Variants in ATP8A1 observed in about 807,000 individuals in gnomAD.
ATP8A1 encodes the protein phospholipid-transporting ATPase IA.
ATP8A1 carries 90 observed loss-of-function variants against 177.7 expected under a neutral mutation model. That is an observed-to-expected ratio of 0.51 (90% CI 0.43 to 0.60). The LOEUF (loss-of-function observed/expected upper bound fraction) is 0.60, where lower values mean the gene tolerates loss of function less well. Among genes scored for constraint, ATP8A1 ranks in the 20% least tolerant of loss-of-function variants. ATP8A1 has a pLI of 0.00. For synonymous variants in ATP8A1, 493 were observed against 485.9 expected, an observed-to-expected ratio of 1.01 and a Z score of -0.19; for missense variants, 1,072 against 1,392.8, an observed-to-expected ratio of 0.77 and a Z score of 3.67.
intron 20 of ATP8A1, among the ~76,000 whole-genome samples, chr4:42,537,357 C>T (rs1279757329): frequency 6.6e-6 from 1 of 151,418 alleles, no homozygotes; most frequent in Non-Finnish European, 1.5e-5. Context: ...AGAACTGGAA[C>T]AAGACAAAGA....
chr4:42,521,218 T>C (rs1726099103), intron 22 of ATP8A1, among the ~76,000 whole-genome samples: 2 of 152,224 alleles, frequency 1.3e-5, no homozygotes, highest in Non-Finnish European at 2.9e-5. Context: ...AGTTATCTAA[T>C]GGCAAGCTAG....
rs1328944322 is a variant in ATP8A1 at position 42,532,332 on chromosome 4, A to G, written c.1723-7485T>C. ...AGACCCTGTCTCTACATAAAATACA[A>G]AAAATTAACTGGGCATGATGGCGGG... On this transcript the variant is annotated intron_variant, in intron 20 of 36. Transcript: ENST00000381668. Among the ~76,000 whole-genome samples, 3 of 152,002 alleles carry G rather than the reference A, an allele frequency of 2.0e-5. No homozygotes were observed. The East Asian group carries it at 5.8e-4, about 29-fold the overall frequency.
chr4:42,444,749 G>T, intron 31 of ATP8A1, 115 bp from the exon 32 acceptor site: 1 of 1,060,608 alleles, frequency 9.4e-7, no homozygotes, highest in Non-Finnish European at 1.4e-6. Flanking sequence ...CTAGGAGACT[G>T]CTGCTTGCTT....
In ATP8A1 at chr4:42,448,828, G is replaced by GTT. The variant is rs55946444; in HGVS notation, c.2897-2186_2897-2185dup. Among the ~76,000 whole-genome samples the GTT allele has an allele frequency of 1.6e-3, 135 of 84,210 alleles. 1 individual carries two copies. The highest frequency in any genetic ancestry group is 5.8e-3 in the African/African-American group (129 of 22,200). 55.2% of individuals were successfully genotyped at this position (84,210 alleles called of 152,430 possible). ...TCCATCAGTCTACTTTGTACTTTGC[G>GTT]TTTTTTTTTTTTTTTTTTTTTTTTT... On this transcript the variant is annotated intron_variant, in intron 30 of 36. Coordinates refer to ENST00000381668, the MANE Select transcript of ATP8A1 (RefSeq NM_006095.2).
At chr4:42,601,718 A>C (rs1735294314) in intron 5 of ATP8A1, among the ~76,000 whole-genome samples, 1 of 152,188 alleles carries the variant, frequency 6.6e-6, no homozygotes, top group East Asian at 1.9e-4. Flanking sequence ...CCCTGGAAAC[A>C]GCACAGTACC....
chr4:42,542,006 C>G (rs1578133054), intron 20 of ATP8A1, among the ~76,000 whole-genome samples: 1 of 152,026 alleles, frequency 6.6e-6, no homozygotes, highest in East Asian at 1.9e-4. Context: ...AAGAGTGAAC[C>G]CTCATGTACA....
chr4:42,458,171 T>A (rs1406462626), intron 27 of ATP8A1, among the ~76,000 whole-genome samples: 1 of 151,830 alleles, frequency 6.6e-6, no homozygotes, highest in Non-Finnish European at 1.5e-5. Context: ...TAGTTAATAT[T>A]GGGAACATAT....
At chr4:42,547,126 C>G (rs1729015234) in intron 19 of ATP8A1, among the ~76,000 whole-genome samples, 1 of 152,168 alleles carries the variant, frequency 6.6e-6, no homozygotes. Context: ...TTGTATGTCT[C>G]ACAGTCATCT....
At chr4:42,617,898 C>T (rs762222118) in intron 4 of ATP8A1, among the ~76,000 whole-genome samples, 14 of 152,144 alleles carry the variant, frequency 9.2e-5, no homozygotes, top group Non-Finnish European at 1.6e-4. Flanking sequence ...AGATTTTAAT[C>T]CCATGCCTAC....
chr4:42,504,933 T>A (rs1724221068), intron 23 of ATP8A1, among the ~76,000 whole-genome samples: 1 of 152,260 alleles, frequency 6.6e-6, no homozygotes, highest in African/African-American at 2.4e-5. Context: ...ACAGCTTTTC[T>A]CTAATCATCA....
chr4:42,446,767 G>C, intron 30 of ATP8A1, 123 bp from the exon 31 acceptor site: 1 of 674,158 alleles, frequency 1.5e-6, no homozygotes, highest in Non-Finnish European at 2.3e-6. Flanking sequence ...AGCCAGAAAT[G>C]AGATTAAAAA....
chr4:42,546,898 T>C (rs1728994381), intron 19 of ATP8A1, among the ~76,000 whole-genome samples: 1 of 152,192 alleles, frequency 6.6e-6, no homozygotes, highest in African/African-American at 2.4e-5. Context: ...GTTGTCTCTT[T>C]TGCTGATTCC....
intron 22 of ATP8A1, among the ~76,000 whole-genome samples, chr4:42,507,796 A>C (rs1350632446): frequency 1.2e-4 from 17 of 142,906 alleles, no homozygotes; most frequent in African/African-American, 4.3e-4. Flanking sequence ...AAAAAAAAAA[A>C]AAAAAAAAAA....
At chr4:42,633,719 T>C (rs746871933) in intron 1 of ATP8A1, among the ~76,000 whole-genome samples, 6 of 152,196 alleles carry the variant, frequency 3.9e-5, no homozygotes, top group Non-Finnish European at 8.8e-5. Context: ...ATGAGAACAA[T>C]GCCTGGCACG....
chr4:42,638,909 T>C (rs542795508), intron 1 of ATP8A1, among the ~76,000 whole-genome samples: 1 of 152,338 alleles, frequency 6.6e-6, no homozygotes, highest in African/African-American at 2.4e-5. Flanking sequence ...CACTACGGAC[T>C]GGATTCTAAT....
intron 25 of ATP8A1, among the ~76,000 whole-genome samples, chr4:42,468,787 C>A (rs1007993104): frequency 6.6e-6 from 1 of 152,068 alleles, no homozygotes; most frequent in African/African-American, 2.4e-5. Flanking sequence ...CCAAATACTA[C>A]CTGTTCCCTC....
At chr4:42,627,479 T>A (rs1485066918) in intron 1 of ATP8A1, among the ~76,000 whole-genome samples, 1 of 152,224 alleles carries the variant, frequency 6.6e-6, no homozygotes, top group South Asian at 2.1e-4. Flanking sequence ...TAAAATATAG[T>A]CAAAAATTAA....
intron 12 of ATP8A1, among the ~76,000 whole-genome samples, chr4:42,577,815 G>T (rs1732628958): frequency 6.6e-6 from 1 of 152,118 alleles, no homozygotes; most frequent in South Asian, 2.1e-4. Flanking sequence ...TATTTGTATA[G>T]TGATTGATTA....
intron 10 of ATP8A1, 71 bp downstream of exon 10, chr4:42,581,550 G>A: frequency 9.2e-7 from 1 of 1,084,076 alleles, no homozygotes; most frequent in Non-Finnish European, 1.4e-6. Flanking sequence ...TGGGACCACT[G>A]CACTGAGATC....
Sources: allele counts gnomAD v4.1 joint callset (sites outside exome capture counted in the v4.1 genomes callset), GRCh38; gene constraint gnomAD v4.1.1; transcripts MANE v1.5; gene names NCBI Gene and HGNC (gene_info 2026-07-23, HGNC 2026-07-21).